PRAG1: variants seen among roughly 807,000 people sequenced by gnomAD.
The protein encoded by PRAG1 is inactive tyrosine-protein kinase PRAG1.
A neutral mutation model predicts 95.6 loss-of-function variants in PRAG1; 110 were observed. The observed-to-expected ratio is 1.15, with a 90% CI of 0.99 to 1.35. The LOEUF is 1.35. Ranked by LOEUF, PRAG1 falls within the 40% of genes most tolerant of loss-of-function variation. The probability of loss-of-function intolerance (pLI) is 0.00; values close to 1 mark genes in which losing one functional copy is unlikely to be tolerated. For missense variants in PRAG1, 2,554 were observed against 1,864.7 expected (o/e 1.37, Z -6.81); for synonymous variants, 1,052 against 819.4 (o/e 1.28, Z -4.85).
At position 8,319,128 on chromosome 8, in the gene PRAG1, G is replaced by C. The variant is rs1798391068; in HGVS notation, c.3247C>G (p.Gln1083Glu). The C allele has an allele frequency of 1.2e-6, 2 of 1,605,954 alleles. No homozygotes were observed. Among genetic ancestry groups the C allele is most frequent in the Non-Finnish European group, 1.7e-6 (2 of 1,177,016 alleles). ...ATGACCACCACGCAGTCCTGCTCCT[G>C]GGCAGGGGGGTGTGTGGGCAGGGCA... is the stretch of plus-strand genomic sequence containing the variant. ...VPALPTHPPA[Q>E]EQDCVVVITR... The change falls in exon 6 of 6, where the codon CAG becomes GAG. Residue 1083 changes from glutamine (Q) to glutamate (E), a missense_variant. By Grantham distance (29) the Gln-to-Glu change is conservative (BLOSUM62 2). Coordinates refer to ENST00000615670, the MANE Select transcript of PRAG1 (RefSeq NM_001080826.3).
chr8:8,376,430 T>G lies in PRAG1; in HGVS notation c.1979A>C (p.Asn660Thr). The change falls in exon 3 of 6, where the codon AAT becomes ACT. Residue 660 changes from asparagine (N) to threonine (T), a missense_variant. Coordinates refer to ENST00000615670, the MANE Select transcript of PRAG1 (RefSeq NM_001080826.3). ...LSHSWGRETK[N>T]GPTDHSNSTT... is the part of the protein sequence containing the mutation. ...GGAGTTTGAATGGTCCGTGGGGCCA[T>G]TTTTGGTCTCTCTTCCCCAGCTGTG... 1 of 1,614,102 alleles carries G rather than the reference T, an allele frequency of 6.2e-7. No homozygotes were observed. Among genetic ancestry groups the G allele is most frequent in the Non-Finnish European group, 8.5e-7 (1 of 1,179,998 alleles).
chr8:8,335,327 A>C (rs1246218597), intron 4 of PRAG1, among the ~76,000 whole-genome samples: 1 of 152,218 alleles, frequency 6.6e-6, no homozygotes, highest in Non-Finnish European at 1.5e-5. Flanking sequence ...ATGAAAAATA[A>C]GCAGCAATTT....
At chr8:8,324,383 A>C (rs905741711) in intron 5 of PRAG1, among the ~76,000 whole-genome samples, 5 of 152,250 alleles carry the variant, frequency 3.3e-5, no homozygotes, top group African/African-American at 1.2e-4. Flanking sequence ...TTTCAAAATC[A>C]GTGCACTGGG....
chr8:8,369,172 G>T (rs1413678654), intron 3 of PRAG1, among the ~76,000 whole-genome samples: 2 of 151,026 alleles, frequency 1.3e-5, no homozygotes, highest in African/African-American at 2.4e-5. Context: ...TATTACATTT[G>T]TAGTTCACTC....
At chr8:8,351,483 C>T (rs1294513514) in intron 3 of PRAG1, among the ~76,000 whole-genome samples, 1 of 152,088 alleles carries the variant, frequency 6.6e-6, no homozygotes, top group African/African-American at 2.4e-5. Flanking sequence ...AGAGGTTCAC[C>T]CTACTTTGAT....
Position 8,327,901 on chromosome 8 carries a change from G to A in PRAG1, c.2881C>T (p.Gln961Ter), listed in dbSNP as rs1256742285. Reference sequence around the variant, plus strand: ...TTGGCTACAAGGCGGGCCAGGGACTGGGTGTAGAGTCCCCCCAGCTTGGCA... The same window carrying A: ...TTGGCTACAAGGCGGGCCAGGGACTAGGTGTAGAGTCCCCCCAGCTTGGCA... Reference protein sequence around the residue: ...TYAKLGGLYTQSLARLVAKCE... With the variant: ...TYAKLGGLYT Residue 961 changes from glutamine to a stop codon, truncating the protein, a stop_gained, in exon 5 of 6, where the codon CAG becomes TAG. Coordinates refer to ENST00000615670, the MANE Select transcript of PRAG1 (RefSeq NM_001080826.3). LOFTEE classifies it high-confidence loss of function. 3.1e-6 allele frequency: 5 copies of A among 1,614,212 alleles called. No individual in the cohort carries two copies. The highest frequency in any genetic ancestry group is 1.1e-5 in the South Asian group (1 of 91,088).
At position 8,377,139 on chromosome 8, in the gene PRAG1, G is replaced by C. The variant is rs752182728; in HGVS notation, c.1270C>G (p.Pro424Ala). The C allele has an allele frequency of 6.2e-7, 1 of 1,612,502 alleles. No individual in the cohort carries two copies. Residue 424 changes from proline to alanine, a missense_variant, in exon 3 of 6, where the codon CCG becomes GCG. Coordinates refer to ENST00000615670, the MANE Select transcript of PRAG1 (RefSeq NM_001080826.3). Reference protein sequence around the residue: ...AESTKRKKAAPVPSKSQAKIE... With the variant: ...AESTKRKKAAAVPSKSQAKIE... ...TTGGCCTGTGACTTGGAAGGCACCG[G>C]AGCTGCCTTCTTCCTCTTGGTGCTC...
chr8:8,385,370 G>T (rs897819441), intron 1 of PRAG1, among the ~76,000 whole-genome samples: 3 of 152,070 alleles, frequency 2.0e-5, no homozygotes, highest in Non-Finnish European at 4.4e-5. Context: ...CTCCAGTGCT[G>T]GAGGAAAGAA....
At chr8:8,383,804 G>C (rs1361223998) in intron 1 of PRAG1, among the ~76,000 whole-genome samples, 1 of 152,124 alleles carries the variant, frequency 6.6e-6, no homozygotes, top group Non-Finnish European at 1.5e-5. Context: ...GCTTCAACAA[G>C]CGGAGGAAAT....
intron 3 of PRAG1, among the ~76,000 whole-genome samples, chr8:8,349,613 T>C (rs879145359): frequency 6.6e-6 from 1 of 152,086 alleles, no homozygotes; most frequent in Non-Finnish European, 1.5e-5. Flanking sequence ...TGGAGCTTTT[T>C]GATGAAGATG....
At chr8:8,347,404 G>A (rs1390805616) in intron 3 of PRAG1, among the ~76,000 whole-genome samples, 2 of 152,200 alleles carry the variant, frequency 1.3e-5, no homozygotes, top group African/African-American at 2.4e-5. Context: ...AAACAGAGAC[G>A]GCTCTGCCTC....
intron 3 of PRAG1, among the ~76,000 whole-genome samples, chr8:8,366,081 A>G (rs991561571): frequency 3.9e-5 from 6 of 152,214 alleles, no homozygotes; most frequent in African/African-American, 9.7e-5. Flanking sequence ...ATAAAGGAAA[A>G]TAATCCTTTA....
intron 3 of PRAG1, among the ~76,000 whole-genome samples, chr8:8,345,065 G>GTT (rs1799290215): frequency 6.6e-6 from 1 of 151,066 alleles, no homozygotes; most frequent in African/African-American, 2.4e-5. Context: ...GTGTGTGTGT[G>GTT]TGTGTGTGTG....
rs1279868657 is a variant in PRAG1, at chr8:8,377,267, C to A, written c.1142G>T (p.Gly381Val). 1.9e-6 allele frequency: 3 copies of A among 1,612,900 alleles called. No homozygotes were observed. The highest frequency in any genetic ancestry group is 4.5e-5 in the East Asian group (2 of 44,874). The stretch of plus-strand genomic sequence containing the variant: ...TCTGCTAGGGGTCACCCCTGGGCAG[C>A]CAGGGTCCTGCTGCTTCTCTGGGGC... ...EPAPEKQQDP[G>V]CPGVTPSRCL... Residue 381 changes from glycine to valine, a missense_variant, in exon 3 of 6, where the codon GGC (glycine) becomes GTC (valine). Physicochemically the swap from Gly to Val is moderately radical, Grantham distance 109. Coordinates refer to ENST00000615670, the MANE Select transcript of PRAG1 (RefSeq NM_001080826.3).
chr8:8,347,148 C>A (rs78524965), intron 3 of PRAG1, among the ~76,000 whole-genome samples: 1,671 of 152,268 alleles, frequency 0.011, 23 homozygotes, highest in African/African-American at 0.038. Flanking sequence ...AGACTGAGAA[C>A]CTCTTACCAT....
At chr8:8,335,887 C>T (rs1456527381) in intron 4 of PRAG1, among the ~76,000 whole-genome samples, 2 of 152,148 alleles carry the variant, frequency 1.3e-5, no homozygotes, top group African/African-American at 4.8e-5. Flanking sequence ...TTGTACCCAG[C>T]ACAGAGTTTG....
intron 4 of PRAG1, among the ~76,000 whole-genome samples, chr8:8,329,767 A>T (rs1585224158): frequency 6.6e-6 from 1 of 152,208 alleles, no homozygotes; most frequent in African/African-American, 2.4e-5. Context: ...TGCAAGCCAC[A>T]TAGATCAAGA....
At chr8:8,336,497 G>A (rs1044990061) in intron 4 of PRAG1, among the ~76,000 whole-genome samples, 1 of 152,186 alleles carries the variant, frequency 6.6e-6, no homozygotes, top group African/African-American at 2.4e-5. Context: ...GAGTTGACTG[G>A]CTGTTCAATT....
At chr8:8,372,106 C>A (rs1233637670) in intron 3 of PRAG1, among the ~76,000 whole-genome samples, 1 of 152,120 alleles carries the variant, frequency 6.6e-6, no homozygotes, top group African/African-American at 2.4e-5. Flanking sequence ...CCTAGTCACC[C>A]AAAAGTCATT....
Sources: allele counts gnomAD v4.1 joint callset (sites outside exome capture counted in the v4.1 genomes callset), GRCh38; gene constraint gnomAD v4.1.1; transcripts MANE v1.5; gene names NCBI Gene and HGNC (gene_info 2026-07-23, HGNC 2026-07-21).